Variants in PYY observed in about 807,000 individuals in gnomAD.
PYY encodes peptide YY.
PYY carries 12 observed loss-of-function variants against 10.3 expected under a neutral mutation model. The observed-to-expected ratio is 1.17, with a 90% confidence interval of 0.75 to 1.89. PYY has a LOEUF of 1.89. PYY is among the 40% of genes most tolerant of loss of function. The pLI is 0.00. For synonymous variants in PYY, 66 were observed against 62.0 expected, an observed-to-expected ratio of 1.06 and a Z score of -0.30; for missense variants, 141 against 134.0, an observed-to-expected ratio of 1.05 and a Z score of -0.26.
chr17:43,961,571 C>T (rs1168530588), intron 2 of PYY, among the ~76,000 whole-genome samples: 3 of 152,068 alleles, frequency 2.0e-5, no homozygotes, highest in Non-Finnish European at 2.9e-5. Context: ...GATGGAGTCT[C>T]GCTCTGTCAC....
intron 1 of PYY, among the ~76,000 whole-genome samples, chr17:44,004,229 C>A (rs1014791585): frequency 1.4e-5 from 2 of 142,082 alleles, no homozygotes; most frequent in Admixed American, 1.4e-4. Context: ...CACCACCCGC[C>A]CCCGCCCTCC....
chr17:43,960,954 G>A (rs1034071537), intron 2 of PYY, among the ~76,000 whole-genome samples: 3 of 151,980 alleles, frequency 2.0e-5, no homozygotes, highest in Non-Finnish European at 2.9e-5. Context: ...CAGGTTCCTG[G>A]CCCACACCTG....
chr17:43,991,053 G>C (rs1328589747), intron 1 of PYY, among the ~76,000 whole-genome samples: 3 of 151,854 alleles, frequency 2.0e-5, no homozygotes, highest in Non-Finnish European at 4.4e-5. Flanking sequence ...AAAGTGCTGG[G>C]ATTACAAGCG....
At chr17:43,953,597 C>G in intron 1 of PYY, 114 bp from the exon 2 acceptor site, 1 of 1,037,236 alleles carries the variant, frequency 9.6e-7, no homozygotes, top group East Asian at 2.7e-5. Context: ...TGGTACCGGA[C>G]CAAGGCTCAG....
At chr17:43,990,438 CAAAAAAAA>C (rs59522069) in intron 1 of PYY, among the ~76,000 whole-genome samples, 1 of 92,814 alleles carries the variant, frequency 1.1e-5, no homozygotes, top group African/African-American at 4.0e-5. Flanking sequence ...GACTCCATCT[CAAAAAAAA>C]AAAAAAAAAA....
intron 1 of PYY, among the ~76,000 whole-genome samples, chr17:43,986,872 A>T (rs954099356): frequency 6.6e-6 from 1 of 152,204 alleles, no homozygotes; most frequent in Non-Finnish European, 1.5e-5. Context: ...GTTTTGTTGC[A>T]TGATAAGCAC....
intron 1 of PYY, 119 bp from the exon 2 acceptor site, chr17:43,953,602 G>T (rs2048651232): frequency 4.1e-6 from 4 of 971,520 alleles, no homozygotes; most frequent in Admixed American, 3.0e-5. Flanking sequence ...CCGGACCAAG[G>T]CTCAGCCACC....
chr17:43,989,008 C>T (rs182713008), intron 1 of PYY, among the ~76,000 whole-genome samples: 2 of 151,960 alleles, frequency 1.3e-5, no homozygotes, highest in South Asian at 2.1e-4. Flanking sequence ...GTGATCTGCC[C>T]GCCTCAGCCT....
intron 2 of PYY, among the ~76,000 whole-genome samples, chr17:43,959,260 G>A (rs933560737): frequency 2.6e-5 from 4 of 152,178 alleles, no homozygotes; most frequent in African/African-American, 9.6e-5. Context: ...CAAAACACTG[G>A]TCAATGACTC....
intron 1 of PYY, among the ~76,000 whole-genome samples, chr17:43,977,524 A>G (rs2048857081): frequency 6.6e-6 from 1 of 151,964 alleles, no homozygotes; most frequent in African/African-American, 2.4e-5. Context: ...CCCGCCCAAC[A>G]CTGGCACTGC....
At chr17:43,988,801 C>CA (rs2048931566) in intron 1 of PYY, among the ~76,000 whole-genome samples, 2 of 142,654 alleles carry the variant, frequency 1.4e-5, no homozygotes, top group South Asian at 4.4e-4. Flanking sequence ...ATCACTCTGT[C>CA]ACCCAGGCTG....
At chr17:43,983,648 C>G (rs2143941790) in intron 1 of PYY, among the ~76,000 whole-genome samples, 1 of 152,370 alleles carries the variant, frequency 6.6e-6, no homozygotes, top group South Asian at 2.1e-4. Context: ...AGCTCACCCA[C>G]TGCCCTCATT....
chr17:43,994,779 G>A (rs992657619), intron 1 of PYY, among the ~76,000 whole-genome samples: 1 of 152,316 alleles, frequency 6.6e-6, no homozygotes, highest in Non-Finnish European at 1.5e-5. Flanking sequence ...CACGAGCTGC[G>A]TTTTCCCGGA....
chr17:43,989,113 G>A (rs888781369), intron 1 of PYY, among the ~76,000 whole-genome samples: 7 of 151,652 alleles, frequency 4.6e-5, no homozygotes, highest in South Asian at 2.1e-4. Flanking sequence ...GGTGGCTCAC[G>A]CCTGTAATCC....
chr17:43,962,600 G>A (rs2048719890), intron 2 of PYY, among the ~76,000 whole-genome samples: 1 of 152,196 alleles, frequency 6.6e-6, no homozygotes, highest in Non-Finnish European at 1.5e-5. Context: ...AGACTGCCGG[G>A]ACCAATTTGC....
chr17:43,972,959 C>T (rs146100567), intron 1 of PYY, among the ~76,000 whole-genome samples: 2,046 of 151,584 alleles, frequency 0.013, 46 homozygotes, highest in African/African-American at 0.047. Context: ...GTGATCCGCC[C>T]GCCTCAGCCT....
chr17:43,969,515 C>CAAAAAAA (rs71361552), intron 1 of PYY, among the ~76,000 whole-genome samples: 1 of 90,440 alleles, frequency 1.1e-5, no homozygotes, highest in Non-Finnish European at 2.1e-5. Context: ...GACTCTGTCT[C>CAAAAAAA]AAAAAAAAAA....
At chr17:43,958,224 T>A (rs941981978), upstream of PYY, among the ~76,000 whole-genome samples, 2 of 151,562 alleles carry the variant, frequency 1.3e-5, no homozygotes, top group Admixed American at 6.6e-5. Context: ...TTTATATAAT[T>A]TTCATGTCAT....
intron 1 of PYY, among the ~76,000 whole-genome samples, chr17:43,998,039 A>G (rs76547201): frequency 0.024 from 3,714 of 152,164 alleles, 165 homozygotes; most frequent in African/African-American, 0.085. Context: ...CCCAGGTTCA[A>G]GTCATTCTCC....
Sources: gnomAD v4.1 joint callset for allele counts (sites outside exome capture counted in the v4.1 genomes callset) on GRCh38, gnomAD v4.1.1 for gene constraint, MANE v1.5 for transcripts, NCBI Gene and HGNC (gene_info 2026-07-23, HGNC 2026-07-21) for gene names.